POM121C: variants seen among roughly 807,000 people sequenced by gnomAD.
POM121C encodes the protein POM121 transmembrane nucleoporin C, also known as nuclear envelope pore membrane protein POM 121C.
POM121C carries 20 observed loss-of-function variants against 66.4 expected under a neutral mutation model. The ratio of observed to expected loss-of-function variants is 0.30; its 90% CI spans 0.21 to 0.44. POM121C has a LOEUF of 0.44. Ranked by LOEUF, POM121C falls within the 20% of genes least tolerant of loss-of-function variation. The probability of loss-of-function intolerance (pLI) is 1.00; values close to 1 mark genes in which losing one functional copy is unlikely to be tolerated. For synonymous variants in POM121C, 286 were observed against 528.0 expected (o/e 0.54, Z 6.28); for missense variants, 580 against 1,225.7 (o/e 0.47, Z 7.87).
chr7:75,441,442 G>A lies in POM121C; in HGVS notation c.55C>T (p.Arg19Cys), dbSNP rs1166423225. Reference sequence around the variant, plus strand: ...AACGATAATACTCACATCGCAGAACGTGAAAATCTTCTGTCAGGAGGGGCG... The same window carrying A: ...AACGATAATACTCACATCGCAGAACATGAAAATCTTCTGTCAGGAGGGGCG... ...RIAPPDRRFS[R>C]SAIPEQIISS... Residue 19 changes from arginine to cysteine, a missense_variant, in exon 4 of 15, where the codon CGT becomes TGT. Arg to Cys is a radical substitution (Grantham distance 180). Transcript: ENST00000615331. The A allele has an allele frequency of 2.2e-5, 35 of 1,613,818 alleles. No homozygotes were observed. The Middle Eastern group carries it at 6.6e-4, about 30-fold the overall frequency.
At chr7:75,483,214 A>G (rs184386676) in intron 1 of POM121C, among the ~76,000 whole-genome samples, 266 of 152,350 alleles carry the variant, frequency 1.7e-3, no homozygotes, top group Non-Finnish European at 2.9e-3. Context: ...AGAATAAGCC[A>G]TAAGTTACAG....
Position 75,466,590 on chromosome 7 carries a change from G to A in POM121C, c.-152+8114C>T, listed in dbSNP as rs1217738109. 3.0e-4 allele frequency among the ~76,000 whole-genome samples: 45 copies of A among 150,932 alleles called. 2 individuals carry two copies. Among genetic ancestry groups the A allele is most frequent in the Non-Finnish European group, 2.9e-5 (2 of 67,886 alleles). ...ACTGCACTCCAGCCTGGGTGACAGAGCAAGACTCCATCTCAAAAAATAAAA... is the reference window on the plus strand; with the variant it reads ...ACTGCACTCCAGCCTGGGTGACAGAACAAGACTCCATCTCAAAAAATAAAA... On this transcript the variant is annotated intron_variant, in intron 3 of 14. Transcript: ENST00000615331.
chr7:75,441,790 CA>C (rs1790659902), intron 3 of POM121C, 143 bp from the exon 4 acceptor site: 1 of 749,318 alleles, frequency 1.3e-6, no homozygotes, highest in Admixed American at 2.7e-5. Flanking sequence ...GTTTTTATGG[CA>C]ACTTTCCCCT....
Position 75,480,431 on chromosome 7 carries a change from T to C in POM121C, c.-457-5243A>G, listed in dbSNP as rs6966137. Among the ~76,000 whole-genome samples, 1,496 of 151,816 alleles carry C rather than the reference T, an allele frequency of 9.9e-3. 29 individuals are homozygous for C. The highest frequency in any genetic ancestry group is 0.033 in the African/African-American group (1,377 of 41,392). The stretch of plus-strand genomic sequence containing the variant: ...CCCTCTCCCCCACAATTGATACAAG[T>C]GGGCACACAATCAACAAGGATATAG... On this transcript the variant is annotated intron_variant, in intron 1 of 14. Transcript: ENST00000615331.
chr7:75,442,665 T>A (rs1790701570), intron 3 of POM121C: 3 of 1,451,960 alleles, frequency 2.1e-6, no homozygotes, highest in Non-Finnish European at 2.7e-6. Flanking sequence ...TCCCTGACAC[T>A]CGCTATCGGC....
intron 3 of POM121C, among the ~76,000 whole-genome samples, chr7:75,467,258 G>A (rs1329336975): frequency 6.6e-6 from 1 of 152,162 alleles, no homozygotes; most frequent in Admixed American, 6.5e-5. Flanking sequence ...AGCACCGGGC[G>A]TGGTGGCTCA....
At chr7:75,484,544 C>T (rs1169826127) in intron 1 of POM121C, among the ~76,000 whole-genome samples, 41 of 151,644 alleles carry the variant, frequency 2.7e-4, no homozygotes, top group African/African-American at 9.9e-4. Flanking sequence ...AGTCACATGC[C>T]TGTAGTCCCA....
At chr7:75,482,824 G>A (rs1792360914) in intron 1 of POM121C, among the ~76,000 whole-genome samples, 1 of 152,204 alleles carries the variant, frequency 6.6e-6, no homozygotes, top group Non-Finnish European at 1.5e-5. Context: ...AGTAACGGAT[G>A]TCAAAGGCAG....
chr7:75,417,222 A>G lies in POM121C; in HGVS notation c.*1574T>C. ...TACATCTACATCACATTATTTATAAAATAAGAATTACATTTCATATAACAT... is the reference window on the plus strand; with the variant it reads ...TACATCTACATCACATTATTTATAAGATAAGAATTACATTTCATATAACAT... On this transcript the variant is annotated 3_prime_UTR_variant, in exon 15 of 15. Coordinates refer to ENST00000615331, the MANE Select transcript of POM121C (RefSeq NM_001099415.3). The G allele has an allele frequency of 1.1e-6, 1 of 950,422 alleles. No homozygotes were observed. The highest frequency in any genetic ancestry group is 4.8e-5 in the South Asian group (1 of 20,768). The allele number at this position is 950,422 out of a possible 1,614,324, so 58.9% of individuals were successfully genotyped here.
rs587710600 is a variant in POM121C, at chr7:75,419,377, G to C, written c.2809C>G (p.Leu937Val). The C allele has an allele frequency of 6.2e-7, 1 of 1,613,798 alleles. No homozygotes were observed. The highest frequency in any genetic ancestry group is 1.3e-5 in the African/African-American group (1 of 75,054). The change falls in exon 14 of 15, where the codon CTC (leucine) becomes GTC (valine). Residue 937 changes from leucine to valine, a missense_variant. Coordinates refer to ENST00000615331, the MANE Select transcript of POM121C (RefSeq NM_001099415.3). ...APGVGTSGSS[L>V]SFGASSAPAQ... ...GGTGCTGAAGATGCCCCAAAGGAGA[G>C]GCTGCTGCCCGATGTGCCCACTCCA...
In POM121C at chr7:75,417,030, G is replaced by T. The variant is rs1466031591; in HGVS notation, c.*1766C>A. 16 of 1,204,964 alleles carry T rather than the reference G, an allele frequency of 1.3e-5. No homozygotes were observed. Among genetic ancestry groups the T allele is most frequent in the Non-Finnish European group, 1.7e-5 (16 of 963,138 alleles). 74.6% of individuals were successfully genotyped at this position (1,204,964 alleles called of 1,614,324 possible). Reference sequence around the variant, plus strand: ...CAAGCTCAGGTACTGACACTAGGAGGGTCTACCTTACATAAGGTACAGGTA... The same window carrying T: ...CAAGCTCAGGTACTGACACTAGGAGTGTCTACCTTACATAAGGTACAGGTA... On this transcript the variant is annotated 3_prime_UTR_variant, in exon 15 of 15. Coordinates refer to ENST00000615331, the MANE Select transcript of POM121C (RefSeq NM_001099415.3).
At chr7:75,419,661 A>C in intron 13 of POM121C, 11 of 570,624 alleles carry the variant, frequency 1.9e-5, no homozygotes, top group Non-Finnish European at 2.7e-5. Context: ...TGGCCACGCC[A>C]GGGCAGAGAA....
intron 7 of POM121C, among the ~76,000 whole-genome samples, chr7:75,429,026 C>G (rs1227164685): frequency 6.6e-6 from 1 of 151,006 alleles, no homozygotes; most frequent in Non-Finnish European, 1.5e-5. Context: ...ACTGGTTTAA[C>G]AATTAGGGGA....
chr7:75,476,437 G>T (rs1792079733), intron 1 of POM121C, among the ~76,000 whole-genome samples: 1 of 152,178 alleles, frequency 6.6e-6, no homozygotes. Context: ...CAGTAAGCAT[G>T]TTGCATTATC....
chr7:75,485,438 C>T (rs1271998235), intron 1 of POM121C, among the ~76,000 whole-genome samples: 4 of 152,170 alleles, frequency 2.6e-5, no homozygotes, highest in African/African-American at 9.7e-5. Context: ...CTTCCCCTAG[C>T]AACTGAGGCA....
At chr7:75,475,686 C>A (rs1384030672) in intron 1 of POM121C, among the ~76,000 whole-genome samples, 2 of 151,438 alleles carry the variant, frequency 1.3e-5, no homozygotes, top group Non-Finnish European at 1.5e-5. Context: ...ATTCTCATAG[C>A]CAGTGGCCTC....
intron 3 of POM121C, among the ~76,000 whole-genome samples, chr7:75,472,110 TCTC>T (rs1791903012): frequency 6.6e-6 from 1 of 151,698 alleles, no homozygotes; most frequent in South Asian, 2.1e-4. Flanking sequence ...ATGGTCTCGA[TCTC>T]CTGACCTCGT....
At chr7:75,483,368 T>C (rs1554480416) in intron 1 of POM121C, among the ~76,000 whole-genome samples, 1 of 152,190 alleles carries the variant, frequency 6.6e-6, no homozygotes, top group Admixed American at 6.5e-5. Flanking sequence ...ATGTCATGGA[T>C]GGTGATATGG....
At chr7:75,485,835 C>G (rs782205865) in intron 1 of POM121C, 29 bp downstream of exon 1, 17 of 500,150 alleles carry the variant, frequency 3.4e-5, no homozygotes, top group Non-Finnish European at 6.7e-5. Flanking sequence ...AGGCCCTTCT[C>G]GCTCCGGGCC....
Sources: allele counts gnomAD v4.1 joint callset (sites outside exome capture counted in the v4.1 genomes callset), GRCh38; gene constraint gnomAD v4.1.1; transcripts MANE v1.5; gene names NCBI Gene and HGNC (gene_info 2026-07-23, HGNC 2026-07-21).